The following TACC2 variants were observed in gnomAD, a reference collection of about 807,000 sequenced individuals.
TACC2 encodes transforming acidic coiled-coil-containing protein 2.
Under a neutral mutation model 227.3 loss-of-function variants are expected in TACC2, and 137 were observed. The observed-to-expected ratio is 0.60, with a 90% confidence interval of 0.52 to 0.69. The LOEUF is 0.69. Ranked by LOEUF, TACC2 falls within the 30% of genes least tolerant of loss-of-function variation. The pLI is 0.00. For synonymous variants in TACC2, 1,523 were observed against 1,487.5 expected, an observed-to-expected ratio of 1.02 and a Z score of -0.55; for missense variants, 3,470 against 3,694.4, an observed-to-expected ratio of 0.94 and a Z score of 1.57.
intron 5 of TACC2, among the ~76,000 whole-genome samples, chr10:122,125,453 A>G (rs1320638784): frequency 1.3e-5 from 2 of 152,078 alleles, no homozygotes; most frequent in Non-Finnish European, 2.9e-5. Flanking sequence ...CTCCTGCTTC[A>G]GCCTCCCAAA....
Position 122,006,944 on chromosome 10 carries a change from C to T in TACC2, c.-45-14993C>T, listed in dbSNP as rs185438282. Among the ~76,000 whole-genome samples the T allele has an allele frequency of 5.7e-3, 864 of 150,478 alleles. 3 individuals are homozygous for T. Among genetic ancestry groups the T allele is most frequent in the African/African-American group, 0.02 (822 of 40,938 alleles). On this transcript the variant is annotated intron_variant, in intron 1 of 22. Transcript: ENST00000369005. ...TGGCGTGATCTTGGCTCACCGCAAC[C>T]TCTGCCTCCCGGGTTCCAGTGATTC...
chr10:122,250,109 C>A (rs1359680703), intron 22 of TACC2, among the ~76,000 whole-genome samples: 1 of 152,198 alleles, frequency 6.6e-6, no homozygotes, highest in African/African-American at 2.4e-5. Flanking sequence ...ATTCCAGGGA[C>A]AGGGGTGATC....
chr10:122,222,021 G>A lies in TACC2; in HGVS notation c.7547-2705G>A, dbSNP rs527955511. ...ATTACCAAAAGCAGCCCTCAGAAAC[G>A]ACAGGACCCGTGAACGATGACTGAG... On this transcript the variant is annotated intron_variant, in intron 11 of 22. Coordinates refer to ENST00000369005, the MANE Select transcript of TACC2 (RefSeq NM_206862.4). Among the ~76,000 whole-genome samples the A allele has an allele frequency of 2.2e-4, 33 of 152,274 alleles. No individual in the cohort carries two copies. In the South Asian group the frequency reaches 5.8e-3, roughly 27 times the overall value.
At chr10:122,171,926 T>A (rs1379137744) in intron 7 of TACC2, among the ~76,000 whole-genome samples, 8 of 152,234 alleles carry the variant, frequency 5.3e-5, no homozygotes, top group Non-Finnish European at 1.0e-4. Context: ...ATACATCTCC[T>A]TGGGGATGTT....
At chr10:122,079,280 T>A (rs577982702) in intron 3 of TACC2, 11 of 152,320 alleles carry the variant, frequency 7.2e-5, no homozygotes, top group African/African-American at 1.9e-4. Flanking sequence ...CTGGACCTGG[T>A]GCTTTCCAGA....
chr10:122,211,350 G>A lies in TACC2; in HGVS notation c.6925G>A (p.Glu2309Lys), dbSNP rs948396343. The A allele has an allele frequency of 5.6e-6, 9 of 1,613,716 alleles. No homozygotes were observed. Among genetic ancestry groups the A allele is most frequent in the African/African-American group, 2.7e-5 (2 of 74,850 alleles). Reference sequence around the variant, plus strand: ...GAGGCCAAAGATGAAAAAGACACCCGAGAAACTTGACAACACTCCTGCCTC... The same window carrying A: ...GAGGCCAAAGATGAAAAAGACACCCAAGAAACTTGACAACACTCCTGCCTC... Reference protein sequence around the residue: ...LRRPKMKKTPEKLDNTPASPP... With the variant: ...LRRPKMKKTPKKLDNTPASPP... Residue 2309 changes from glutamate to lysine, a missense_variant, in exon 9 of 23, where the codon GAG becomes AAG. Glu to Lys is a moderately conservative substitution (Grantham distance 56). This residue lies in a region of TACC2 where 593 missense variants were observed against 636.6 expected (regional missense o/e 0.93). Transcript: ENST00000369005.
chr10:122,001,844 T>C (rs1450109567), intron 1 of TACC2, among the ~76,000 whole-genome samples: 1 of 152,234 alleles, frequency 6.6e-6, no homozygotes, highest in Non-Finnish European at 1.5e-5. Flanking sequence ...TCCACTATTA[T>C]ATCTACCTTT....
chr10:122,143,851 C>T (rs2091018220), intron 7 of TACC2, 145 bp downstream of exon 7: 1 of 909,370 alleles, frequency 1.1e-6, no homozygotes, highest in Non-Finnish European at 1.6e-6. Flanking sequence ...GTCTCTGACC[C>T]TTTGGGCCAT....
intron 18 of TACC2, among the ~76,000 whole-genome samples, chr10:122,240,680 T>C (rs2095971674): frequency 6.6e-6 from 1 of 152,014 alleles, no homozygotes; most frequent in Admixed American, 6.6e-5. Context: ...GTCTCTATGG[T>C]TTTCTGTCAT....
chr10:122,009,179 T>A (rs992375492), intron 1 of TACC2, among the ~76,000 whole-genome samples: 1 of 152,222 alleles, frequency 6.6e-6, no homozygotes, highest in East Asian at 1.9e-4. Context: ...TGATTACACT[T>A]CTCTGTTTTA....
chr10:122,099,797 G>T (rs530444812), intron 5 of TACC2, among the ~76,000 whole-genome samples: 1 of 152,312 alleles, frequency 6.6e-6, no homozygotes, highest in South Asian at 2.1e-4. Flanking sequence ...TCACTGCAGG[G>T]TTTAGTTTTG....
chr10:122,131,016 T>A (rs940176518), intron 5 of TACC2, among the ~76,000 whole-genome samples: 3 of 151,438 alleles, frequency 2.0e-5, no homozygotes, highest in African/African-American at 4.9e-5. Flanking sequence ...AATAAACATT[T>A]AAAAAAAATG....
intron 7 of TACC2, among the ~76,000 whole-genome samples, chr10:122,185,281 T>C (rs2094145761): frequency 6.6e-6 from 1 of 151,716 alleles, no homozygotes; most frequent in South Asian, 2.1e-4. Flanking sequence ...AACCTCCGCC[T>C]CCTGGGTTCA....
At chr10:122,163,170 G>A (rs1040241604) in intron 7 of TACC2, among the ~76,000 whole-genome samples, 1 of 152,144 alleles carries the variant, frequency 6.6e-6, no homozygotes, top group Non-Finnish European at 1.5e-5. Flanking sequence ...GGCAGAAGCC[G>A]GCGGTGGAAA....
At chr10:122,052,279 T>G (rs1212325370) in intron 3 of TACC2, 1 of 152,174 alleles carries the variant, frequency 6.6e-6, no homozygotes, top group Non-Finnish European at 1.5e-5. Flanking sequence ...GCCTGGGAAT[T>G]GCTCGAGGCC....
chr10:122,161,099 A>G (rs1055371240), intron 7 of TACC2, among the ~76,000 whole-genome samples: 11 of 151,876 alleles, frequency 7.2e-5, no homozygotes, highest in Non-Finnish European at 1.5e-5. Context: ...ACACCCACCT[A>G]ATTTTGTTTA....
chr10:122,086,537 A>G lies in TACC2; in HGVS notation c.4037A>G (p.Lys1346Arg). The G allele has an allele frequency of 2.5e-6, 4 of 1,609,464 alleles. No homozygotes were observed. Among genetic ancestry groups the G allele is most frequent in the Non-Finnish European group, 3.4e-6 (4 of 1,177,618 alleles). The part of the protein sequence containing the change: ...AKGKQATGEE[K>R]AATAPGAGAK... ...GGCAAGCAGGCAACAGGGGAAGAGA[A>G]AGCAGCAACAGCTCCAGGTGCAGGT... is the stretch of plus-strand genomic sequence containing the variant. The change falls in exon 4 of 23, where the codon AAA (lysine) becomes AGA (arginine). Residue 1346 changes from lysine to arginine, a missense_variant. Lys to Arg is a conservative substitution (Grantham distance 26, BLOSUM62 2). This residue lies in a region of TACC2 where 1,924 missense variants were observed against 1,978.3 expected (regional missense o/e 0.97). Coordinates refer to ENST00000369005, the MANE Select transcript of TACC2 (RefSeq NM_206862.4).
At chr10:122,031,226 A>G (rs1958911785) in intron 2 of TACC2, among the ~76,000 whole-genome samples, 1 of 152,080 alleles carries the variant, frequency 6.6e-6, no homozygotes, top group Admixed American at 6.6e-5. Context: ...TGGCTGCAAT[A>G]GTGGCTGAGT....
At chr10:122,033,844 G>C (rs759312650) in intron 2 of TACC2, among the ~76,000 whole-genome samples, 8 of 152,008 alleles carry the variant, frequency 5.3e-5, no homozygotes, top group Non-Finnish European at 4.4e-5. Flanking sequence ...AGTCATCCAG[G>C]TGAAGTGGGC....
Sources: gnomAD v4.1 joint callset for allele counts (sites outside exome capture counted in the v4.1 genomes callset) on GRCh38, gnomAD v4.1.1 for gene constraint, gnomAD v4.1.1 regional missense constraint, MANE v1.5 for transcripts, NCBI Gene and HGNC (gene_info 2026-07-23, HGNC 2026-07-21) for gene names.